Variants in RABL6 observed in about 807,000 individuals in gnomAD.
RABL6 encodes RAB, member RAS oncogene family like 6, also known as rab-like protein 6.
A neutral mutation model predicts 72.9 loss-of-function variants in RABL6; 28 were observed. That is an observed-to-expected ratio of 0.38 (90% CI 0.28 to 0.53). RABL6 has a LOEUF of 0.53. Among genes scored for constraint, RABL6 ranks in the 20% least tolerant of loss-of-function variants. The pLI is 0.80. For missense variants in RABL6, 1,029 were observed against 1,008.4 expected, an observed-to-expected ratio of 1.02 and a Z score of -0.28; for synonymous variants, 477 against 421.2, an observed-to-expected ratio of 1.13 and a Z score of -1.62.
Position 136,807,984 on chromosome 9 carries a change from G to T in RABL6, c.-213G>T. 1 of 1,008,404 alleles carries T rather than the reference G, an allele frequency of 9.9e-7. No homozygotes were observed. The highest frequency in any genetic ancestry group is 1.2e-6 in the Non-Finnish European group (1 of 846,742). The allele number at this position is 1,008,404 out of a possible 1,614,324, so 62.5% of individuals were successfully genotyped here. A position where few individuals can be genotyped will look rare whatever the true frequency, so the allele number is the denominator to read the frequency against. ...CTGACTCCTGGAGAGCGGTCGCGCC[G>T]GAGGCCGCGGGGGCCGGAGCGGAGC... On this transcript the variant is annotated 5_prime_UTR_variant, in exon 1 of 15. Coordinates refer to ENST00000311502, the MANE Select transcript of RABL6 (RefSeq NM_024718.5).
chr9:136,814,932 C>T lies in RABL6; in HGVS notation c.130+6606C>T, dbSNP rs1848086854. On this transcript the variant is annotated intron_variant, in intron 1 of 14. Transcript: ENST00000311502. ...TCATCATCGTCACCCTCGTCCTTGT[C>T]CTCATCATCCTCTTCATCTTCATTC... The T allele has an allele frequency of 2.4e-5, 4 of 164,128 alleles. No homozygotes were observed. In the South Asian group the frequency reaches 4.5e-4, roughly 19 times the overall value. The allele number at this position is 164,128 out of a possible 1,614,324, so 10.2% of individuals were successfully genotyped here.
Position 136,839,325 on chromosome 9 carries a change from C to T in RABL6, c.1597C>T (p.Arg533Cys), listed in dbSNP as rs762824514. Residue 533 changes from arginine to cysteine, a missense_variant, in exon 12 of 15, where the codon CGC becomes TGC. Coordinates refer to ENST00000311502, the MANE Select transcript of RABL6 (RefSeq NM_024718.5). Reference protein sequence around the residue: ...GVSVRTGPEKRSSTRPPAEME... With the variant: ...GVSVRTGPEKCSSTRPPAEME... ...CTCTGTTCGCACAGGTCCGGAGAAG[C>T]GCAGCAGCACCAGGCCCCCTGCTGA... The T allele has an allele frequency of 8.2e-5, 132 of 1,612,498 alleles. No homozygotes were observed. In the East Asian group the frequency reaches 9.6e-4, roughly 12 times the overall value.
intron 1 of RABL6, chr9:136,815,151 C>G: frequency 6.2e-6 from 2 of 320,682 alleles, no homozygotes; most frequent in Non-Finnish European, 1.2e-5. Context: ...TCCTCCTCCT[C>G]ATCGCTGTCT....
intron 1 of RABL6, chr9:136,812,859 C>T (rs574366776): frequency 1.2e-5 from 4 of 324,748 alleles, no homozygotes; most frequent in Non-Finnish European, 2.4e-5. Flanking sequence ...CCACCAAAGC[C>T]TTCCTGGCTT....
chr9:136,833,579 G>A, intron 7 of RABL6: 1 of 1,174,900 alleles, frequency 8.5e-7, no homozygotes, highest in South Asian at 1.5e-5. Context: ...CCCCAGCTGG[G>A]TCTGGGGACC....
At chr9:136,816,567 T>C (rs1848122954) in intron 1 of RABL6, among the ~76,000 whole-genome samples, 1 of 151,936 alleles carries the variant, frequency 6.6e-6, no homozygotes, top group Admixed American at 6.6e-5. Context: ...ATAACAAAAA[T>C]TAGCTGGGTG....
At chr9:136,829,510 T>G in intron 5 of RABL6, 26 bp downstream of exon 5, 2 of 1,548,448 alleles carry the variant, frequency 1.3e-6, no homozygotes, top group South Asian at 2.4e-5. Context: ...CGGGGGCAGC[T>G]GCCTGTGACT....
chr9:136,823,480 T>G (rs1342405612), intron 1 of RABL6, 45 bp from the exon 2 acceptor site: 2 of 1,609,198 alleles, frequency 1.2e-6, no homozygotes, highest in Non-Finnish European at 1.7e-6. Flanking sequence ...CAGCTTGGGT[T>G]CGGTTCGTTT....
At chr9:136,837,222 C>G (rs546606348) in intron 8 of RABL6, 124 bp from the exon 9 acceptor site, 1 of 1,100,078 alleles carries the variant, frequency 9.1e-7, no homozygotes, top group Non-Finnish European at 1.4e-6. Context: ...CTCTGTGGGG[C>G]GGGTGGCCCA....
chr9:136,833,898 C>T, intron 7 of RABL6: 3 of 1,550,532 alleles, frequency 1.9e-6, no homozygotes, highest in Non-Finnish European at 2.6e-6. Context: ...GAGCCGTCCC[C>T]TCATCACTGG....
intron 7 of RABL6, 114 bp downstream of exon 7, chr9:136,832,484 C>A: frequency 1.1e-6 from 1 of 890,086 alleles, no homozygotes; most frequent in South Asian, 1.4e-5. Context: ...TGGACCTGCT[C>A]GGAGATTGGC....
intron 1 of RABL6, among the ~76,000 whole-genome samples, chr9:136,822,551 T>TA (rs1439895187): frequency 6.6e-6 from 1 of 152,122 alleles, no homozygotes; most frequent in Non-Finnish European, 1.5e-5. Context: ...GCAGGCTGGG[T>TA]GTTCTTAGTC....
chr9:136,815,072 T>C, intron 1 of RABL6: 1 of 204,732 alleles, frequency 4.9e-6, no homozygotes, highest in Middle Eastern at 6.9e-4. Context: ...ATCGTCCTCA[T>C]CGTCCTCGTC....
chr9:136,832,053 A>G, intron 6 of RABL6, 192 bp downstream of exon 6: 2 of 1,000,524 alleles, frequency 2.0e-6, no homozygotes, highest in East Asian at 2.6e-5. Context: ...GTGCTGGGGA[A>G]CTGTGTGCCA....
Position 136,839,299 on chromosome 9 carries a change from T to C in RABL6, c.1571T>C (p.Val524Ala). 6 of 1,611,830 alleles carry C rather than the reference T, an allele frequency of 3.7e-6. No homozygotes were observed. The highest frequency in any genetic ancestry group is 5.1e-6 in the Non-Finnish European group (6 of 1,179,552). The change falls in exon 12 of 15, where the codon GTC becomes GCC. Residue 524 changes from valine to alanine, a missense_variant. Val to Ala is a moderately conservative substitution (Grantham distance 64). This residue lies in a region of RABL6 where 595 missense variants were observed against 472.4 expected (regional missense o/e 1.26). Transcript: ENST00000311502. ...RTAAPPWPGG[V>A]SVRTGPEKRS... ...GCAGCACCCCCCTGGCCAGGCGGTG[T>C]CTCTGTTCGCACAGGTCCGGAGAAG...
intron 4 of RABL6, 140 bp downstream of exon 4, chr9:136,828,686 T>C: frequency 3.6e-6 from 3 of 831,906 alleles, no homozygotes; most frequent in Admixed American, 5.2e-5. Flanking sequence ...TCCCAACTGC[T>C]CTGAAAACCC....
rs1443353198 is a variant in RABL6, at chr9:136,825,780, C to T, written c.267C>T (p.Thr89=). The T allele has an allele frequency of 9.9e-6, 16 of 1,613,462 alleles. No homozygotes were observed. Among genetic ancestry groups the T allele is most frequent in the Non-Finnish European group, 1.4e-5 (16 of 1,179,544 alleles). The change falls in exon 3 of 15, where the codon ACC becomes ACT. Residue 89 remains threonine, a splice_region_variant and synonymous_variant. Transcript: ENST00000311502. The part of the protein sequence containing the change: ...QVTSIHWSYK[T]TDDIVKVEVW... ...ATTTTAGGATTCTCCCTGTTTCAGC[C>T]ACGGATGACATCGTGAAGGTTGAAG...
At position 136,840,104 on chromosome 9, in the gene RABL6, G is replaced by T. The variant is rs749595571; in HGVS notation, c.1931-50G>T. On this transcript the variant is annotated intron_variant, in intron 13 of 14. Coordinates refer to ENST00000311502, the MANE Select transcript of RABL6 (RefSeq NM_024718.5). ...CTAGAGAAGTCCTGTCACCCAGCTT[G>T]GGGTCCCCGTTGGCCTGAGTTTGAG... The T allele has an allele frequency of 2.5e-6, 4 of 1,611,134 alleles. No individual in the cohort carries two copies. The South Asian group carries it at 4.4e-5, about 18-fold the overall frequency.
chr9:136,837,329 C>T lies in RABL6; in HGVS notation c.810-17C>T, dbSNP rs920212072. 18 of 1,596,184 alleles carry T rather than the reference C, an allele frequency of 1.1e-5. No homozygotes were observed. Among genetic ancestry groups the T allele is most frequent in the East Asian group, 2.3e-5 (1 of 43,754 alleles). On this transcript the variant is annotated splice_polypyrimidine_tract_variant and intron_variant, in intron 8 of 14. Transcript: ENST00000311502. ...AGGCAGGGGAGCCAGGCTTCTCACC[C>T]GCCTTCTGCCTTTCAGCTTCCTGGA...
Sources: gnomAD v4.1 joint callset for allele counts (sites outside exome capture counted in the v4.1 genomes callset) on GRCh38, gnomAD v4.1.1 for gene constraint, gnomAD v4.1.1 regional missense constraint, MANE v1.5 for transcripts, NCBI Gene and HGNC (gene_info 2026-07-23, HGNC 2026-07-21) for gene names.